The following HECW1 variants were observed in gnomAD, a reference collection of about 807,000 sequenced individuals.
HECW1 encodes E3 ubiquitin-protein ligase HECW1.
HECW1 carries 61 observed loss-of-function variants against 182.3 expected under a neutral mutation model. That is an observed-to-expected ratio of 0.33 (90% CI 0.27 to 0.41). The LOEUF (loss-of-function observed/expected upper bound fraction) is 0.41, where lower values mean the gene tolerates loss of function less well. HECW1 is among the 10% of genes least tolerant of loss of function. The pLI is 1.00. For missense variants in HECW1, 1,739 were observed against 2,108.9 expected (o/e 0.82, Z 3.44); for synonymous variants, 859 against 832.6 (o/e 1.03, Z -0.55).
At chr7:43,383,028 G>A (rs761549666) in intron 6 of HECW1, among the ~76,000 whole-genome samples, 14 of 152,104 alleles carry the variant, frequency 9.2e-5, no homozygotes, top group Non-Finnish European at 1.8e-4. Flanking sequence ...GAGAACATGT[G>A]GTGTTTGGTT....
chr7:43,185,386 C>T (rs1793299128), intron 2 of HECW1, among the ~76,000 whole-genome samples: 1 of 150,552 alleles, frequency 6.6e-6, no homozygotes, highest in African/African-American at 2.4e-5. Flanking sequence ...ATTAATCAAA[C>T]TCGAGGGGTA....
At chr7:43,114,803 A>T (rs1171857017) in intron 2 of HECW1, among the ~76,000 whole-genome samples, 1 of 152,004 alleles carries the variant, frequency 6.6e-6, no homozygotes, top group African/African-American at 2.4e-5. Context: ...TATTGACTTG[A>T]TAGGGAGGTC....
intron 5 of HECW1, among the ~76,000 whole-genome samples, chr7:43,342,016 TTGAA>T (rs1813063465): frequency 1.3e-5 from 2 of 151,854 alleles, no homozygotes; most frequent in Non-Finnish European, 2.9e-5. Flanking sequence ...TTTTATCCCT[TTGAA>T]TGAGTTCTTA....
chr7:43,199,077 C>T (rs1173290622), intron 2 of HECW1, among the ~76,000 whole-genome samples: 4 of 152,200 alleles, frequency 2.6e-5, no homozygotes, highest in Non-Finnish European at 4.4e-5. Flanking sequence ...CACGGAGAAC[C>T]CTCCAGACCC....
At chr7:43,190,365 G>T (rs563589341) in intron 2 of HECW1, among the ~76,000 whole-genome samples, 1 of 152,302 alleles carries the variant, frequency 6.6e-6, no homozygotes, top group South Asian at 2.1e-4. Flanking sequence ...GCCCACCTTG[G>T]CCTCCCAAAG....
chr7:43,464,485 T>A (rs548698691), intron 14 of HECW1, among the ~76,000 whole-genome samples: 1 of 152,240 alleles, frequency 6.6e-6, no homozygotes, highest in South Asian at 2.1e-4. Context: ...GGCATGAGAC[T>A]GGCTTCCACT....
chr7:43,229,441 A>T (rs993360139), intron 2 of HECW1, among the ~76,000 whole-genome samples: 4 of 151,826 alleles, frequency 2.6e-5, no homozygotes, highest in Non-Finnish European at 5.9e-5. Context: ...TCATGAACAC[A>T]TAAGAAGGGA....
chr7:43,501,188 T>G, intron 20 of HECW1, 25 bp from the exon 21 acceptor site: 2 of 908,118 alleles, frequency 2.2e-6, no homozygotes, highest in Non-Finnish European at 3.1e-6. Flanking sequence ...TCTTTCTTTT[T>G]TTTTTTTTTT....
At chr7:43,482,388 T>G (rs917042480) in intron 17 of HECW1, among the ~76,000 whole-genome samples, 3 of 152,208 alleles carry the variant, frequency 2.0e-5, no homozygotes, top group African/African-American at 7.2e-5. Context: ...GTGATTTTGC[T>G]CAGCAAAAAT....
chr7:43,164,832 G>A (rs367791438), intron 2 of HECW1, among the ~76,000 whole-genome samples: 21 of 152,216 alleles, frequency 1.4e-4, no homozygotes, highest in African/African-American at 3.4e-4. Flanking sequence ...GCATGCAGCC[G>A]CGCTTCCATG....
chr7:43,119,986 A>T (rs1785425470), intron 2 of HECW1, among the ~76,000 whole-genome samples: 1 of 152,178 alleles, frequency 6.6e-6, no homozygotes, highest in Non-Finnish European at 1.5e-5. Flanking sequence ...TCATTCATTC[A>T]TTCATTCAAC....
intron 3 of HECW1, among the ~76,000 whole-genome samples, chr7:43,300,981 C>T (rs1402896815): frequency 6.6e-6 from 1 of 152,164 alleles, no homozygotes; most frequent in South Asian, 2.1e-4. Context: ...AAAGCTTCTC[C>T]CTGCATGTAG....
chr7:43,453,819 G>T (rs1402439298), intron 12 of HECW1, among the ~76,000 whole-genome samples: 1 of 152,162 alleles, frequency 6.6e-6, no homozygotes, highest in Admixed American at 6.5e-5. Flanking sequence ...CAAACCCATG[G>T]CATCACAGTG....
intron 17 of HECW1, among the ~76,000 whole-genome samples, chr7:43,482,339 G>A (rs2078468704): frequency 6.6e-6 from 1 of 152,232 alleles, no homozygotes; most frequent in Non-Finnish European, 1.5e-5. Flanking sequence ...AAATAGAGGG[G>A]AGTGGGTGGT....
At chr7:43,457,165 A>G (rs1341717645) in intron 13 of HECW1, among the ~76,000 whole-genome samples, 1 of 152,240 alleles carries the variant, frequency 6.6e-6, no homozygotes, top group Non-Finnish European at 1.5e-5. Context: ...TGGTCCATTC[A>G]TGTCAGAGAT....
intron 2 of HECW1, among the ~76,000 whole-genome samples, chr7:43,180,123 A>C (rs1051037313): frequency 2.0e-5 from 3 of 152,210 alleles, no homozygotes; most frequent in African/African-American, 7.2e-5. Flanking sequence ...TGCAAGATGC[A>C]CTTTGCAGAG....
At chr7:43,341,324 ATAAATAAATAAATAAAT>A (rs946984432) in intron 5 of HECW1, among the ~76,000 whole-genome samples, 2 of 74,300 alleles carry the variant, frequency 2.7e-5, no homozygotes, top group African/African-American at 2.9e-4. Context: ...AAATAAATAA[ATAAATAAATAAATAAAT>A]AAATAAATAG....
intron 3 of HECW1, among the ~76,000 whole-genome samples, chr7:43,282,096 G>T (rs1023665122): frequency 5.9e-5 from 9 of 152,202 alleles, no homozygotes; most frequent in Non-Finnish European, 4.4e-5. Flanking sequence ...TCTACTGCTA[G>T]ATTGAAGGAC....
rs967892517 is a variant in HECW1 at position 43,338,109 on chromosome 7, C to T, written c.460+17367C>T. Among the ~76,000 whole-genome samples, 8 of 152,306 alleles carry T rather than the reference C, an allele frequency of 5.3e-5. No individual in the cohort carries two copies. In the East Asian group the frequency reaches 1.5e-3, roughly 29 times the overall value. On this transcript the variant is annotated intron_variant, in intron 5 of 29. Coordinates refer to ENST00000395891, the MANE Select transcript of HECW1 (RefSeq NM_015052.5). ...TAGATTGAAACACAGAGACCTACTC[C>T]AGTGATCTAGGATTAGGGACTTTTG...
Sources: allele counts gnomAD v4.1 joint callset (sites outside exome capture counted in the v4.1 genomes callset), GRCh38; gene constraint gnomAD v4.1.1; transcripts MANE v1.5; gene names NCBI Gene and HGNC (gene_info 2026-07-23, HGNC 2026-07-21).